TNPO1: variants seen among roughly 807,000 people sequenced by gnomAD.
TNPO1 encodes the protein transportin-1.
Under a neutral mutation model 119.5 loss-of-function variants are expected in TNPO1, and 8 were observed. The ratio of observed to expected loss-of-function variants is 0.07; its 90% CI spans 0.04 to 0.12. The LOEUF (loss-of-function observed/expected upper bound fraction) is 0.12, where lower values mean the gene tolerates loss of function less well. Ranked by LOEUF, TNPO1 falls within the 10% of genes least tolerant of loss-of-function variation. The pLI is 1.00. For missense variants in TNPO1, 576 were observed against 1,089.8 expected (o/e 0.53, Z 6.64); for synonymous variants, 362 against 363.0 (o/e 1.00, Z 0.03).
intron 20 of TNPO1, among the ~76,000 whole-genome samples, chr5:72,898,427 A>G (rs1749593398): frequency 1.3e-5 from 2 of 152,156 alleles, no homozygotes; most frequent in Non-Finnish European, 2.9e-5. Context: ...ATAATGCCCT[A>G]AAGTTGATGG....
At chr5:72,852,948 TATA>T (rs1322071340) in intron 3 of TNPO1, among the ~76,000 whole-genome samples, 2 of 152,256 alleles carry the variant, frequency 1.3e-5, no homozygotes, top group Non-Finnish European at 2.9e-5. Flanking sequence ...GTTTGTTTCT[TATA>T]CTAAGATATT....
chr5:72,819,673 T>G (rs1472047515), intron 1 of TNPO1, among the ~76,000 whole-genome samples: 1 of 152,250 alleles, frequency 6.6e-6, no homozygotes, highest in African/African-American at 2.4e-5. Context: ...AAGTTGGGAT[T>G]GATATATGCC....
intron 1 of TNPO1, chr5:72,848,001 C>G (rs1195613272): frequency 1.0e-6 from 1 of 958,366 alleles, no homozygotes; most frequent in Non-Finnish European, 1.2e-6. Context: ...TTTATTAGCC[C>G]TTAAGTCAGT....
chr5:72,868,458 A>AAAAACAC (rs1554052270), intron 6 of TNPO1, among the ~76,000 whole-genome samples: 2 of 113,318 alleles, frequency 1.8e-5, no homozygotes, highest in Non-Finnish European at 4.3e-5. Flanking sequence ...AAAAAAAAAA[A>AAAAACAC]ACACAAAATA....
intron 1 of TNPO1, among the ~76,000 whole-genome samples, chr5:72,843,871 T>C (rs1745019358): frequency 6.6e-6 from 1 of 152,228 alleles, no homozygotes; most frequent in African/African-American, 2.4e-5. Flanking sequence ...TTTCTCTCTT[T>C]TCCTATTGTA....
intron 1 of TNPO1, among the ~76,000 whole-genome samples, chr5:72,844,215 A>T (rs1415469473): frequency 6.6e-6 from 1 of 152,254 alleles, no homozygotes; most frequent in African/African-American, 2.4e-5. Context: ...GCTATAAACC[A>T]TAGATCTGTA....
At chr5:72,903,236 T>C (rs183365788) in intron 22 of TNPO1, among the ~76,000 whole-genome samples, 1 of 152,158 alleles carries the variant, frequency 6.6e-6, no homozygotes. Flanking sequence ...TTCAACTAAG[T>C]TATGTCTGAA....
chr5:72,913,628 T>C lies in TNPO1; in HGVS notation c.*4955T>C, dbSNP rs911283397. On this transcript the variant is annotated 3_prime_UTR_variant, in exon 25 of 25. Coordinates refer to ENST00000337273, the MANE Select transcript of TNPO1 (RefSeq NM_002270.4). ...GTTTATCTGCCATAGAATTTCCTTATACTGTGGCTTGGTATTATTCAAGAT... is the reference window on the plus strand; with the variant it reads ...GTTTATCTGCCATAGAATTTCCTTACACTGTGGCTTGGTATTATTCAAGAT... 1.3e-5 allele frequency: 2 copies of C among 152,544 alleles called. No homozygotes were observed. Among genetic ancestry groups the C allele is most frequent in the African/African-American group, 4.8e-5 (2 of 41,452 alleles). The allele number at this position is 152,544 out of a possible 1,614,324, so 9.4% of individuals were successfully genotyped here.
chr5:72,888,314 T>C lies in TNPO1; in HGVS notation c.1529+11T>C. 6.2e-7 allele frequency: 1 copy of C among 1,608,332 alleles called. No individual in the cohort carries two copies. Among genetic ancestry groups the C allele is most frequent in the East Asian group, 2.2e-5 (1 of 44,840 alleles). On this transcript the variant is annotated intron_variant, in intron 13 of 24. Transcript: ENST00000337273. ...AGAAGCTGCCTGCAGGTGGGACAGA[T>C]TCATAACACAGTGTTCTTTGTGGCA...
intron 9 of TNPO1, among the ~76,000 whole-genome samples, chr5:72,881,355 C>T (rs183154661): frequency 8.5e-5 from 13 of 152,256 alleles, no homozygotes; most frequent in South Asian, 4.2e-4. Flanking sequence ...GTGATCCGCT[C>T]GCCTCGACCT....
At chr5:72,867,498 A>G (rs1400366929) in intron 6 of TNPO1, among the ~76,000 whole-genome samples, 2 of 152,240 alleles carry the variant, frequency 1.3e-5, no homozygotes, top group African/African-American at 4.8e-5. Flanking sequence ...GAACCATTTT[A>G]TCAGACTTGA....
intron 2 of TNPO1, among the ~76,000 whole-genome samples, chr5:72,850,573 G>C (rs978485601): frequency 4.0e-5 from 6 of 151,542 alleles, no homozygotes; most frequent in African/African-American, 1.5e-4. Context: ...GGGAGTCAGG[G>C]CTTGAAGAAA....
intron 5 of TNPO1, among the ~76,000 whole-genome samples, chr5:72,863,278 T>A (rs945027809): frequency 6.6e-6 from 1 of 152,032 alleles, no homozygotes; most frequent in Non-Finnish European, 1.5e-5. Flanking sequence ...AGGAATAACC[T>A]GTCAACAACA....
chr5:72,848,431 A>G lies in TNPO1; in HGVS notation c.62A>G (p.Gln21Arg). Residue 21 changes from glutamine (Q) to arginine (R), a missense_variant, in exon 2 of 25, where the codon CAG (glutamine) becomes CGG (arginine). Gln to Arg is a conservative substitution (Grantham distance 43). Transcript: ENST00000337273. ...YEWKPDEQGLQQILQLLKESQ... is the reference protein window; with the variant it reads ...YEWKPDEQGLRQILQLLKESQ... ...TGGAAACCTGACGAGCAAGGGCTTCAGCAAATCCTGCAGCTGTTGAAGGAG... is the reference window on the plus strand; with the variant it reads ...TGGAAACCTGACGAGCAAGGGCTTCGGCAAATCCTGCAGCTGTTGAAGGAG... 6.2e-7 allele frequency: 1 copy of G among 1,612,654 alleles called. No homozygotes were observed. Among genetic ancestry groups the G allele is most frequent in the South Asian group, 1.1e-5 (1 of 91,026 alleles).
At chr5:72,868,503 G>C (rs4374743) in intron 6 of TNPO1, among the ~76,000 whole-genome samples, 1 of 145,574 alleles carries the variant, frequency 6.9e-6, no homozygotes, top group Non-Finnish European at 1.5e-5. Context: ...TTATGGGGTA[G>C]ATAAACATTC....
At chr5:72,836,473 C>T (rs1459070833) in intron 1 of TNPO1, among the ~76,000 whole-genome samples, 1 of 152,192 alleles carries the variant, frequency 6.6e-6, no homozygotes, top group Non-Finnish European at 1.5e-5. Flanking sequence ...GAATGCTGCA[C>T]TATAATGTGG....
intron 1 of TNPO1, among the ~76,000 whole-genome samples, chr5:72,826,800 A>G (rs1744224118): frequency 6.6e-6 from 1 of 152,210 alleles, no homozygotes; most frequent in Admixed American, 6.5e-5. Context: ...CGCTACAAGG[A>G]TACATAACCA....
chr5:72,843,367 G>A (rs1744993936), intron 1 of TNPO1, among the ~76,000 whole-genome samples: 1 of 152,152 alleles, frequency 6.6e-6, no homozygotes, highest in African/African-American at 2.4e-5. Flanking sequence ...GCTGAGGCGG[G>A]CAGATCACTT....
rs1579958388 is a variant in TNPO1 at position 72,910,788 on chromosome 5, T to C, written c.*2115T>C. ...TAGCATGTAGAAAGGTTTTTGTTAC[T>C]ATGTGTGTGTGTGTGTTTTGTTTTG... is the stretch of plus-strand genomic sequence containing the variant. On this transcript the variant is annotated 3_prime_UTR_variant, in exon 25 of 25. Transcript: ENST00000337273. The C allele has an allele frequency of 6.6e-6, 1 of 152,218 alleles. No individual in the cohort carries two copies. Among genetic ancestry groups the C allele is most frequent in the East Asian group, 1.9e-4 (1 of 5,192 alleles). The allele number at this position is 152,218 out of a possible 1,614,324, so 9.4% of individuals were successfully genotyped here.
Sources: allele counts gnomAD v4.1 joint callset (sites outside exome capture counted in the v4.1 genomes callset), GRCh38; gene constraint gnomAD v4.1.1; transcripts MANE v1.5; gene names NCBI Gene and HGNC (gene_info 2026-07-23, HGNC 2026-07-21).